The following ITGB3BP variants were observed in gnomAD, a reference collection of about 807,000 sequenced individuals.
ITGB3BP encodes the protein centromere protein R.
A neutral mutation model predicts 29.1 loss-of-function variants in ITGB3BP; 27 were observed. The observed-to-expected ratio is 0.93, with a 90% CI of 0.68 to 1.28. The LOEUF is 1.28. ITGB3BP is among the 50% of genes most tolerant of loss of function. The probability of loss-of-function intolerance (pLI) is 0.00; values close to 1 mark genes in which losing one functional copy is unlikely to be tolerated. For synonymous variants in ITGB3BP, 61 were observed against 61.4 expected, an observed-to-expected ratio of 0.99 and a Z score of 0.03; for missense variants, 192 against 200.2, an observed-to-expected ratio of 0.96 and a Z score of 0.25.
At chr1:63,493,242 C>T (rs893650130) in intron 2 of ITGB3BP, among the ~76,000 whole-genome samples, 1 of 152,004 alleles carries the variant, frequency 6.6e-6, no homozygotes, top group Admixed American at 6.6e-5. Flanking sequence ...CATGGAGAAA[C>T]CCTGTCTCTA....
At chr1:63,445,652 T>A (rs544864922) in intron 8 of ITGB3BP, among the ~76,000 whole-genome samples, 96 of 148,484 alleles carry the variant, frequency 6.5e-4, no homozygotes, top group African/African-American at 2.4e-3. Context: ...CCAGGCTGAG[T>A]GCAGTGATCA....
intron 4 of ITGB3BP, among the ~76,000 whole-genome samples, chr1:63,459,362 T>G (rs1360741975): frequency 6.6e-6 from 1 of 152,194 alleles, no homozygotes; most frequent in African/African-American, 2.4e-5. Context: ...AGTTATTACC[T>G]CTAAGAAATT....
intron 1 of ITGB3BP, among the ~76,000 whole-genome samples, chr1:63,515,316 C>T (rs1646290675): frequency 6.6e-6 from 1 of 152,124 alleles, no homozygotes; most frequent in Non-Finnish European, 1.5e-5. Context: ...TATTTCTGGA[C>T]TTTCTATTCT....
At chr1:63,507,772 A>T (rs1418336870) in intron 2 of ITGB3BP, among the ~76,000 whole-genome samples, 2 of 152,178 alleles carry the variant, frequency 1.3e-5, no homozygotes, top group African/African-American at 4.8e-5. Context: ...ATTCCATATA[A>T]AACCCATTTA....
At chr1:63,498,950 T>C (rs1645856743) in intron 2 of ITGB3BP, among the ~76,000 whole-genome samples, 1 of 152,140 alleles carries the variant, frequency 6.6e-6, no homozygotes, top group Admixed American at 6.5e-5. Context: ...AAAGGGCTAC[T>C]ATGACCAACT....
chr1:63,478,454 C>A (rs147480518), intron 4 of ITGB3BP, among the ~76,000 whole-genome samples: 1 of 152,230 alleles, frequency 6.6e-6, no homozygotes, highest in African/African-American at 2.4e-5. Flanking sequence ...TCCTAAACCA[C>A]GCATTACTTC....
At chr1:63,475,447 C>G (rs1645319066) in intron 4 of ITGB3BP, among the ~76,000 whole-genome samples, 1 of 152,176 alleles carries the variant, frequency 6.6e-6, no homozygotes, top group African/African-American at 2.4e-5. Flanking sequence ...TCTAGCTACT[C>G]AGGAGGCTGA....
At chr1:63,443,913 G>A (rs1029696006) in intron 8 of ITGB3BP, among the ~76,000 whole-genome samples, 1 of 152,038 alleles carries the variant, frequency 6.6e-6, no homozygotes, top group Non-Finnish European at 1.5e-5. Context: ...TGAGATTGTG[G>A]GTTTATAGCC....
intron 2 of ITGB3BP, among the ~76,000 whole-genome samples, chr1:63,508,066 G>A (rs778529933): frequency 6.6e-6 from 1 of 152,158 alleles, no homozygotes; most frequent in Non-Finnish European, 1.5e-5. Context: ...ATTTATTACG[G>A]TGTTAGTATT....
chr1:63,520,880 T>A (rs1646429850), intron 1 of ITGB3BP, among the ~76,000 whole-genome samples: 1 of 152,196 alleles, frequency 6.6e-6, no homozygotes, highest in Non-Finnish European at 1.5e-5. Flanking sequence ...TAGCTTATTT[T>A]TGCGTGTTCT....
chr1:63,455,152 T>C (rs1307480269), intron 4 of ITGB3BP, among the ~76,000 whole-genome samples, 184 bp from the exon 5 acceptor site: 1 of 152,136 alleles, frequency 6.6e-6, no homozygotes, highest in Non-Finnish European at 1.5e-5. Flanking sequence ...CACTGAGCAG[T>C]GGGATGGAAG....
intron 7 of ITGB3BP, among the ~76,000 whole-genome samples, chr1:63,450,143 T>C (rs1384076218): frequency 6.6e-6 from 1 of 151,920 alleles, no homozygotes; most frequent in African/African-American, 2.4e-5. Flanking sequence ...ACAGGAACAT[T>C]GTAGTTTATG....
At chr1:63,476,691 G>C (rs1479756479) in intron 4 of ITGB3BP, among the ~76,000 whole-genome samples, 1 of 152,168 alleles carries the variant, frequency 6.6e-6, no homozygotes. Flanking sequence ...AAAAACAACA[G>C]GCTTGATTAT....
intron 2 of ITGB3BP, among the ~76,000 whole-genome samples, chr1:63,497,031 A>ATG (rs34974358): frequency 0.024 from 3,699 of 151,732 alleles, 132 homozygotes; most frequent in African/African-American, 0.076. Flanking sequence ...GCACATTAAG[A>ATG]TGTGTGTGTG....
At chr1:63,525,973 G>C (rs1484717627), upstream of ITGB3BP, among the ~76,000 whole-genome samples, 1 of 151,998 alleles carries the variant, frequency 6.6e-6, no homozygotes, top group Non-Finnish European at 1.5e-5. Context: ...AACTAGATGG[G>C]TAATTGAAAG....
Position 63,472,030 on chromosome 1 carries a change from C to T in ITGB3BP, c.254+6734G>A, listed in dbSNP as rs565150612. Among the ~76,000 whole-genome samples, 120 of 148,828 alleles carry T rather than the reference C, an allele frequency of 8.1e-4. 1 individual carries two copies. Among genetic ancestry groups the T allele is most frequent in the African/African-American group, 2.8e-3 (115 of 40,532 alleles). On this transcript the variant is annotated intron_variant, in intron 4 of 8. Coordinates refer to ENST00000271002, the MANE Select transcript of ITGB3BP (RefSeq NM_014288.5). Reference sequence around the variant, plus strand: ...AAGCTCCTAGACCTCGTCATCCGCCCGCCTCAGCCTCCCAAAGTGAATAAC... The same window carrying T: ...AAGCTCCTAGACCTCGTCATCCGCCTGCCTCAGCCTCCCAAAGTGAATAAC...
intron 2 of ITGB3BP, among the ~76,000 whole-genome samples, chr1:63,494,015 T>C (rs1645726450): frequency 6.6e-6 from 1 of 152,226 alleles, no homozygotes; most frequent in South Asian, 2.1e-4. Context: ...ACCTAAGATA[T>C]AATTAATATG....
At chr1:63,515,497 T>C (rs905116824) in intron 1 of ITGB3BP, among the ~76,000 whole-genome samples, 32 of 152,078 alleles carry the variant, frequency 2.1e-4, no homozygotes, top group African/African-American at 7.2e-4. Context: ...CAGTTTTCAA[T>C]TTCTAAAAAA....
chr1:63,476,255 C>A (rs1202579963), intron 4 of ITGB3BP, among the ~76,000 whole-genome samples: 2 of 151,896 alleles, frequency 1.3e-5, no homozygotes, highest in Non-Finnish European at 2.9e-5. Context: ...CCTCCCCATC[C>A]CAGGTTCAAG....
Sources: gnomAD v4.1 joint callset for allele counts (sites outside exome capture counted in the v4.1 genomes callset) on GRCh38, gnomAD v4.1.1 for gene constraint, MANE v1.5 for transcripts, NCBI Gene and HGNC (gene_info 2026-07-23, HGNC 2026-07-21) for gene names.